HERC3: variants seen among roughly 807,000 people sequenced by gnomAD.
HERC3 encodes the protein HECT and RLD domain containing E3 ubiquitin protein ligase 3, also known as probable E3 ubiquitin-protein ligase HERC3.
In HERC3, 58 loss-of-function variants were observed where a neutral mutation model predicts 129.9. That is an observed-to-expected ratio of 0.45 (90% confidence interval 0.36 to 0.56). HERC3 has a LOEUF of 0.56. HERC3 is among the 20% of genes least tolerant of loss of function. The pLI is 0.00. For missense variants in HERC3, 835 were observed against 1,244.2 expected, an observed-to-expected ratio of 0.67 and a Z score of 4.95; for synonymous variants, 430 against 451.0, an observed-to-expected ratio of 0.95 and a Z score of 0.59.
intron 1 of HERC3, among the ~76,000 whole-genome samples, chr4:88,594,261 T>G (rs1722092858): frequency 6.6e-6 from 1 of 152,218 alleles, no homozygotes; most frequent in South Asian, 2.1e-4. Context: ...TATGACCAAT[T>G]AAAAACTTTT....
At position 88,678,027 on chromosome 4, in the gene HERC3, G is replaced by A; in HGVS notation, c.2089G>A (p.Ala697Thr). The A allele has an allele frequency of 6.2e-7, 1 of 1,613,860 alleles. No individual in the cohort carries two copies. The highest frequency in any genetic ancestry group is 8.5e-7 in the Non-Finnish European group (1 of 1,179,992). ...FMLLTLEPLL[A>T]RSPFLVLHVR... ...GCTTCTCACCCTGGAGCCTCTGCTGGCCAGAAGCCCCTTCCTGGTCCTTCA... is the reference window on the plus strand; with the variant it reads ...GCTTCTCACCCTGGAGCCTCTGCTGACCAGAAGCCCCTTCCTGGTCCTTCA... Residue 697 changes from alanine (A) to threonine (T), a missense_variant, in exon 19 of 26, where the codon GCC (alanine) becomes ACC (threonine). Physicochemically the swap from Ala to Thr is moderately conservative, Grantham distance 58 (BLOSUM62 0). Transcript: ENST00000402738.
At chr4:88,599,024 A>G (rs536843834) in intron 2 of HERC3, among the ~76,000 whole-genome samples, 1 of 152,338 alleles carries the variant, frequency 6.6e-6, no homozygotes, top group Non-Finnish European at 1.5e-5. Context: ...AAAATAAAAG[A>G]TTCTGCTCTT....
At chr4:88,663,854 C>A (rs2924355) in intron 11 of HERC3, among the ~76,000 whole-genome samples, 7,926 of 152,188 alleles carry the variant, frequency 0.052, 535 homozygotes, top group East Asian at 0.27. Flanking sequence ...TTAGATAGGG[C>A]ACTTCTTAGA....
chr4:88,561,552 A>G, the HERC3 span, among the ~76,000 whole-genome samples: 1 of 152,166 alleles, frequency 6.6e-6, no homozygotes, highest in South Asian at 2.1e-4. Context: ...AAAATGAACA[A>G]TAAATTACTG....
Position 88,607,068 on chromosome 4 carries a change from T to C in HERC3, c.226+1019T>C, listed in dbSNP as rs1190870212. On this transcript the variant is annotated intron_variant, in intron 3 of 25. Transcript: ENST00000402738. The stretch of plus-strand genomic sequence containing the variant: ...GATGATGTGGCTGCAGTGATCCTTA[T>C]GGCAAATGCTGTCATGCAAGTCTGT... Among the ~76,000 whole-genome samples, 3 of 152,134 alleles carry C rather than the reference T, an allele frequency of 2.0e-5. No homozygotes were observed. The East Asian group carries it at 5.8e-4, about 29-fold the overall frequency.
At chr4:88,631,932 C>T (rs1286173778) in intron 3 of HERC3, among the ~76,000 whole-genome samples, 1 of 152,214 alleles carries the variant, frequency 6.6e-6, no homozygotes. Flanking sequence ...TATTTGATAA[C>T]TCTGAAAAAC....
intron 10 of HERC3, among the ~76,000 whole-genome samples, 173 bp from the exon 11 acceptor site, chr4:88,662,258 A>G (rs1350301908): frequency 6.6e-6 from 1 of 152,156 alleles, no homozygotes; most frequent in African/African-American, 2.4e-5. Flanking sequence ...ACAGCAACCC[A>G]GCTGGGATCT....
At chr4:88,635,111 A>G (rs1727232011) in intron 3 of HERC3, among the ~76,000 whole-genome samples, 1 of 152,098 alleles carries the variant, frequency 6.6e-6, no homozygotes, top group African/African-American at 2.4e-5. Context: ...AATGATCGCA[A>G]CACCTCTCCA....
chr4:88,604,480 ACTAGTCTATTTT>A (rs762122968), intron 2 of HERC3, among the ~76,000 whole-genome samples: 4 of 152,260 alleles, frequency 2.6e-5, no homozygotes, highest in African/African-American at 4.8e-5. Flanking sequence ...CTAGGCAGAC[ACTAGTCTATTTT>A]CTAGTCTATT....
chr4:88,690,310 C>T, intron 23 of HERC3: 3 of 983,974 alleles, frequency 3.0e-6, no homozygotes, highest in Non-Finnish European at 3.6e-6. Flanking sequence ...AAATTTATGG[C>T]AGATCATAAA....
At chr4:88,534,530 C>T in the HERC3 span, among the ~76,000 whole-genome samples, 3 of 151,880 alleles carry the variant, frequency 2.0e-5, no homozygotes, top group Non-Finnish European at 4.4e-5. Context: ...CTTCCCTCTA[C>T]TTAGTCAGTT....
chr4:88,610,771 G>A (rs1724227198), intron 3 of HERC3, among the ~76,000 whole-genome samples: 1 of 152,226 alleles, frequency 6.6e-6, no homozygotes, highest in African/African-American at 2.4e-5. Context: ...AACAATGATA[G>A]CAAAGATCTG....
chr4:88,566,032 A>C, the HERC3 span, among the ~76,000 whole-genome samples: 1 of 151,616 alleles, frequency 6.6e-6, no homozygotes, highest in Non-Finnish European at 1.5e-5. Flanking sequence ...ACATAGGTAA[A>C]TTTGTGTCAT....
At chr4:88,663,533 C>A (rs1730724247) in intron 11 of HERC3, among the ~76,000 whole-genome samples, 1 of 152,096 alleles carries the variant, frequency 6.6e-6, no homozygotes, top group African/African-American at 2.4e-5. Context: ...TTAACAGAAA[C>A]TACTGTAATC....
upstream of HERC3, among the ~76,000 whole-genome samples, chr4:88,589,120 T>C (rs1721600108): frequency 1.3e-5 from 2 of 152,034 alleles, no homozygotes; most frequent in Admixed American, 1.3e-4. Context: ...ATTTGGAGTC[T>C]CCTCTGTCAT....
intron 11 of HERC3, 50 bp downstream of exon 11, chr4:88,662,605 T>A (rs760695981): frequency 1.3e-6 from 2 of 1,567,626 alleles, no homozygotes; most frequent in Non-Finnish European, 1.7e-6. Flanking sequence ...ATGTTACAAC[T>A]TTTTAGCTTA....
chr4:88,608,603 A>G (rs972766144), intron 3 of HERC3, among the ~76,000 whole-genome samples: 22 of 152,378 alleles, frequency 1.4e-4, no homozygotes, highest in African/African-American at 4.6e-4. Flanking sequence ...ATATACAACT[A>G]CCATGGAGGT....
chr4:88,688,590 CAG>C (rs1292828819), intron 23 of HERC3, among the ~76,000 whole-genome samples: 2 of 152,192 alleles, frequency 1.3e-5, no homozygotes, highest in East Asian at 1.9e-4. Flanking sequence ...TAATAGGAAA[CAG>C]AGTCTATAAA....
the HERC3 span, among the ~76,000 whole-genome samples, chr4:88,543,539 C>G: frequency 0.19 from 28,885 of 152,058 alleles, 3,188 homozygotes; most frequent in East Asian, 0.5. Context: ...AATGCCATCC[C>G]CATCAAGCTA....
Sources: allele counts gnomAD v4.1 joint callset (sites outside exome capture counted in the v4.1 genomes callset), GRCh38; gene constraint gnomAD v4.1.1; transcripts MANE v1.5; gene names NCBI Gene and HGNC (gene_info 2026-07-23, HGNC 2026-07-21).